Variants in HIVEP3 observed in about 807,000 individuals in gnomAD.
HIVEP3 encodes HIVEP zinc finger 3.
HIVEP3 carries 49 observed loss-of-function variants against 152.8 expected under a neutral mutation model. The ratio of observed to expected loss-of-function variants is 0.32; its 90% confidence interval spans 0.26 to 0.41. The LOEUF is 0.41. Among genes scored for constraint, HIVEP3 ranks in the 10% least tolerant of loss-of-function variants. The pLI is 1.00. For synonymous variants in HIVEP3, 1,269 were observed against 1,289.0 expected (o/e 0.98, Z 0.33); for missense variants, 2,790 against 3,103.3 (o/e 0.90, Z 2.40).
chr1:41,955,997 T>C (rs1645138616), intron 1 of HIVEP3, among the ~76,000 whole-genome samples: 1 of 152,236 alleles, frequency 6.6e-6, no homozygotes, highest in Non-Finnish European at 1.5e-5. Context: ...TCCTGAATGA[T>C]TTAGGCTTGT....
chr1:41,586,365 A>AT (rs1413647508), intron 3 of HIVEP3, among the ~76,000 whole-genome samples: 1 of 152,200 alleles, frequency 6.6e-6, no homozygotes, highest in Non-Finnish European at 1.5e-5. Context: ...GACTTTGGAC[A>AT]TCATGAAGAT....
chr1:41,544,995 G>A lies in HIVEP3; in HGVS notation c.5208-20085C>T, dbSNP rs1396084828. 1.1e-3 allele frequency among the ~76,000 whole-genome samples: 33 copies of A among 29,436 alleles called. 9 individuals are homozygous for A. Among genetic ancestry groups the A allele is most frequent in the Admixed American group, 1.5e-3 (4 of 2,618 alleles). 19.3% of individuals were successfully genotyped at this position (29,436 alleles called of 152,430 possible). A position where few individuals can be genotyped will look rare whatever the true frequency, so the allele number is the denominator to read the frequency against. ...CACCACTATCACCGCCACCACCATC[G>A]CTACCATCACCACCACCACCACTAC... is the stretch of plus-strand genomic sequence containing the variant. On this transcript the variant is annotated intron_variant, in intron 5 of 8. Transcript: ENST00000372583.
chr1:41,616,620 C>CTTT (rs34266558), intron 3 of HIVEP3, among the ~76,000 whole-genome samples: 12 of 112,462 alleles, frequency 1.1e-4, no homozygotes, highest in Non-Finnish European at 8.6e-5. Flanking sequence ...GATGGGGAGC[C>CTTT]TTTTTTTTTT....
chr1:41,853,361 C>T (rs1643657756), intron 1 of HIVEP3, among the ~76,000 whole-genome samples: 1 of 152,118 alleles, frequency 6.6e-6, no homozygotes, highest in African/African-American at 2.4e-5. Context: ...GGGGAGGCCT[C>T]AGGACATTTA....
chr1:41,958,639 A>G (rs1645153079), intron 1 of HIVEP3, among the ~76,000 whole-genome samples: 1 of 152,172 alleles, frequency 6.6e-6, no homozygotes, highest in African/African-American at 2.4e-5. Flanking sequence ...CTCCTAGATC[A>G]CAACTATGGC....
intron 2 of HIVEP3, among the ~76,000 whole-genome samples, chr1:41,695,000 A>G (rs1320318388): frequency 6.6e-6 from 1 of 152,208 alleles, no homozygotes; most frequent in Non-Finnish European, 1.5e-5. Context: ...GGAATGCTAT[A>G]CAGAGTCAAA....
At chr1:41,718,644 ACT>A (rs1229653400) in intron 1 of HIVEP3, among the ~76,000 whole-genome samples, 1 of 151,870 alleles carries the variant, frequency 6.6e-6, no homozygotes, top group African/African-American at 2.4e-5. Context: ...GGGTTGTTTC[ACT>A]CTCACCTCCA....
intron 3 of HIVEP3, among the ~76,000 whole-genome samples, chr1:41,600,622 T>C (rs1416795104): frequency 1.3e-5 from 2 of 152,224 alleles, no homozygotes; most frequent in East Asian, 1.9e-4. Context: ...ATCTAGAGAT[T>C]GGTTGCGCAG....
chr1:41,928,150 AG>A (rs1418933957), intron 1 of HIVEP3, among the ~76,000 whole-genome samples: 1 of 151,924 alleles, frequency 6.6e-6, no homozygotes, highest in Non-Finnish European at 1.5e-5. Context: ...CCCTAAAAAT[AG>A]GATGTCTTTA....
At chr1:41,893,203 G>C (rs1483023512) in intron 1 of HIVEP3, among the ~76,000 whole-genome samples, 13 of 151,048 alleles carry the variant, frequency 8.6e-5, no homozygotes, top group Non-Finnish European at 2.9e-5. Context: ...ACAGAAGCTT[G>C]TCGGCTGCTG....
At position 41,606,733 on chromosome 1, in the gene HIVEP3, A is replaced by G. The variant is rs143320854; in HGVS notation, c.-521-21415T>C. Among the ~76,000 whole-genome samples, 40 of 151,890 alleles carry G rather than the reference A, an allele frequency of 2.6e-4. 1 individual carries two copies. In the East Asian group the frequency reaches 6.8e-3, roughly 26 times the overall value. On this transcript the variant is annotated intron_variant, in intron 3 of 8. Transcript: ENST00000372583. ...CTGAATCTTACACATTTAAAAAACT[A>G]TTTTTTTCAAAGTTTGACAGGATGA...
At chr1:41,800,481 A>G (rs999563463) in intron 1 of HIVEP3, among the ~76,000 whole-genome samples, 1 of 152,242 alleles carries the variant, frequency 6.6e-6, no homozygotes, top group Non-Finnish European at 1.5e-5. Context: ...GATGTGAGGG[A>G]GGCTCTCTTG....
intron 5 of HIVEP3, 45 bp downstream of exon 5, chr1:41,575,499 C>T (rs202155095): frequency 1.2e-6 from 2 of 1,601,916 alleles, no homozygotes; most frequent in African/African-American, 2.7e-5. Context: ...GGCACCAGCT[C>T]TTATTCCACG....
intron 1 of HIVEP3, among the ~76,000 whole-genome samples, chr1:41,771,010 C>T (rs1040386977): frequency 1.3e-5 from 2 of 151,916 alleles, no homozygotes; most frequent in Admixed American, 1.3e-4. Flanking sequence ...AAAAAAATCA[C>T]AATGGTTTGT....
rs192424764 is a variant in HIVEP3, at chr1:41,897,707, A to G, written c.-801+20706T>C. On this transcript the variant is annotated intron_variant, in intron 1 of 8. Coordinates refer to ENST00000372583, the MANE Select transcript of HIVEP3 (RefSeq NM_024503.5). Reference sequence around the variant, plus strand: ...ATTCTGTCTAAACTGGATTCGTGCTACAGTTGGACAGAGACAAACACAGAA... The same window carrying G: ...ATTCTGTCTAAACTGGATTCGTGCTGCAGTTGGACAGAGACAAACACAGAA... Among the ~76,000 whole-genome samples, 267 of 152,276 alleles carry G rather than the reference A, an allele frequency of 1.8e-3. 1 individual carries two copies. Among genetic ancestry groups the G allele is most frequent in the Non-Finnish European group, 3.2e-3 (216 of 68,010 alleles).
rs572938316 is a variant in HIVEP3, at chr1:41,876,398, G to T, written c.-801+42015C>A. Among the ~76,000 whole-genome samples the T allele has an allele frequency of 3.0e-4, 45 of 152,244 alleles. 1 individual carries two copies. In the South Asian group the frequency reaches 9.1e-3, roughly 31 times the overall value. ...TTGGTAGCTGTCAAACTCTGAGCGA[G>T]TTGCTTAAACTCTCTGTGCCTTAGT... On this transcript the variant is annotated intron_variant, in intron 1 of 8. Transcript: ENST00000372583.
rs113849320 is a variant in HIVEP3, at chr1:41,972,939, A to G, written n.120-54415T>C. 5.0e-3 allele frequency among the ~76,000 whole-genome samples: 758 copies of G among 152,270 alleles called. 8 individuals are homozygous for G. Among genetic ancestry groups the G allele is most frequent in the African/African-American group, 0.018 (735 of 41,530 alleles). On this transcript the variant is annotated intron_variant and non_coding_transcript_variant, in intron 1 of 3. Coordinates refer to the HIVEP3 transcript ENST00000489103. ...TACAAATATTTATTGAAACATTATTATATAATGCAAGTCTCCTAGAGCTCA... is the reference window on the plus strand; with the variant it reads ...TACAAATATTTATTGAAACATTATTGTATAATGCAAGTCTCCTAGAGCTCA...
At chr1:41,645,855 G>A (rs1442716152) in intron 2 of HIVEP3, among the ~76,000 whole-genome samples, 1 of 152,164 alleles carries the variant, frequency 6.6e-6, no homozygotes, top group Non-Finnish European at 1.5e-5. Context: ...ACCAATGTGT[G>A]TCCCTGAGCA....
intron 5 of HIVEP3, among the ~76,000 whole-genome samples, chr1:41,545,710 C>A (rs1643779227): frequency 6.9e-6 from 1 of 145,818 alleles, no homozygotes. Flanking sequence ...ACCACCACCA[C>A]CACCACCACC....
Sources: gnomAD v4.1 joint callset for allele counts (sites outside exome capture counted in the v4.1 genomes callset) on GRCh38, gnomAD v4.1.1 for gene constraint, MANE v1.5 for transcripts, NCBI Gene and HGNC (gene_info 2026-07-23, HGNC 2026-07-21) for gene names.